KCNA6: variants seen among roughly 807,000 people sequenced by gnomAD.
KCNA6 encodes human brain potassium channel-2.
A neutral mutation model predicts 29.5 loss-of-function variants in KCNA6; 17 were observed. The ratio of observed to expected loss-of-function variants is 0.58; its 90% CI spans 0.39 to 0.86. The LOEUF is 0.86. Ranked by LOEUF, KCNA6 falls within the 40% of genes least tolerant of loss-of-function variation. The pLI, the probability that KCNA6 is intolerant of heterozygous loss-of-function variation, is 0.00. For missense variants in KCNA6, 450 were observed against 703.4 expected (o/e 0.64, Z 4.07); for synonymous variants, 296 against 304.7 (o/e 0.97, Z 0.30).
the KCNA6 span, among the ~76,000 whole-genome samples, chr12:4,831,153 C>T: frequency 2.6e-5 from 4 of 152,190 alleles, no homozygotes; most frequent in African/African-American, 9.7e-5. Context: ...AGAGGATTTG[C>T]AAGGACTGCG....
At chr12:4,815,587 G>T (rs971901357), downstream of KCNA6, among the ~76,000 whole-genome samples, 1 of 152,216 alleles carries the variant, frequency 6.6e-6, no homozygotes, top group Non-Finnish European at 1.5e-5. Flanking sequence ...AATAAACAGA[G>T]AAAAGAGGGC....
chr12:4,821,196 T>C, the KCNA6 span, among the ~76,000 whole-genome samples: 1 of 152,164 alleles, frequency 6.6e-6, no homozygotes, highest in Non-Finnish European at 1.5e-5. Context: ...GGCCTGGTGG[T>C]TGAGCCATAA....
At chr12:4,839,992 T>C in the KCNA6 span, among the ~76,000 whole-genome samples, 1 of 152,190 alleles carries the variant, frequency 6.6e-6, no homozygotes, top group East Asian at 1.9e-4. Flanking sequence ...TTTTAATGAC[T>C]GTGTACTTTT....
the KCNA6 span, among the ~76,000 whole-genome samples, chr12:4,834,303 C>G: frequency 6.6e-6 from 1 of 152,060 alleles, no homozygotes; most frequent in East Asian, 1.9e-4. Flanking sequence ...AGCACAAAGG[C>G]AGTAGTGAGG....
Position 4,810,331 on chromosome 12 carries a change from T to C in KCNA6, c.290T>C (p.Leu97Pro). The C allele has an allele frequency of 6.2e-7, 1 of 1,614,142 alleles. No individual in the cohort carries two copies. Among genetic ancestry groups the C allele is most frequent in the Non-Finnish European group, 8.5e-7 (1 of 1,180,022 alleles). ...AACCGGCCCAGCTTCGACGCCATCCTCTACTACTACCAGTCTGGGGGCCGC... is the reference window on the plus strand; with the variant it reads ...AACCGGCCCAGCTTCGACGCCATCCCCTACTACTACCAGTCTGGGGGCCGC... Residue 97 changes from leucine (L) to proline (P), a missense_variant, in exon 1 of 1, where the codon CTC becomes CCC. Physicochemically the swap from Leu to Pro is moderately conservative, Grantham distance 98. Transcript: ENST00000280684. The surrounding 1 kb of genome is among the most constrained non-coding windows in gnomAD (Gnocchi z 7.5).
chr12:4,818,451 A>G, the KCNA6 span, among the ~76,000 whole-genome samples: 1 of 152,218 alleles, frequency 6.6e-6, no homozygotes, highest in African/African-American at 2.4e-5. Context: ...GAGGATAATA[A>G]TAGTACCAAT....
the KCNA6 span, among the ~76,000 whole-genome samples, chr12:4,819,695 A>G: frequency 2.0e-5 from 3 of 152,226 alleles, no homozygotes; most frequent in Admixed American, 6.5e-5. Flanking sequence ...CGGCTTCTTA[A>G]CAAAGGTCCT....
the KCNA6 span, among the ~76,000 whole-genome samples, chr12:4,840,834 G>A: frequency 0.027 from 4,100 of 152,284 alleles, 72 homozygotes; most frequent in Middle Eastern, 0.041. Context: ...GGAGGCAGAG[G>A]ATAGGGTGTT....
rs781694280 is a variant in KCNA6 at position 4,810,728 on chromosome 12, C to T, written c.687C>T (p.Asp229=). 5.3e-5 allele frequency: 86 copies of T among 1,612,374 alleles called. 1 individual carries two copies. Among genetic ancestry groups the T allele is most frequent in the Non-Finnish European group, 7.0e-5 (82 of 1,179,174 alleles). The change falls in exon 1 of 1, where the codon GAC becomes GAT. Residue 229 remains aspartate (D), a synonymous_variant. Coordinates refer to ENST00000280684, the Ensembl canonical transcript of KCNA6. This position sits in a 1 kb window ranked among gnomAD's most constrained non-coding sequence, Gnocchi z 7.5. ...GTCAGGAGGAAGAGGAGGATGAAGA[C>T]GATTCCTACACATTTCATCATGGCA...
chr12:4,823,442 T>C, the KCNA6 span, among the ~76,000 whole-genome samples: 1 of 151,002 alleles, frequency 6.6e-6, no homozygotes, highest in African/African-American at 2.4e-5. Context: ...TTTTAGGAAC[T>C]AGGAGATATT....
the KCNA6 span, among the ~76,000 whole-genome samples, chr12:4,820,342 C>T: frequency 4.0e-5 from 6 of 151,808 alleles, no homozygotes; most frequent in Non-Finnish European, 7.4e-5. Flanking sequence ...ACCCTTCCCT[C>T]AGGCCCTGGA....
chr12:4,829,195 T>C, the KCNA6 span, among the ~76,000 whole-genome samples: 2 of 152,116 alleles, frequency 1.3e-5, no homozygotes, highest in African/African-American at 4.8e-5. Flanking sequence ...GGCTGGGAAA[T>C]GTGTCATTTT....
chr12:4,837,802 C>T, the KCNA6 span, among the ~76,000 whole-genome samples: 1 of 151,858 alleles, frequency 6.6e-6, no homozygotes, highest in African/African-American at 2.4e-5. Context: ...TCTCCACACA[C>T]TCCTCGTTGC....
At chr12:4,833,561 T>A in the KCNA6 span, among the ~76,000 whole-genome samples, 1 of 152,206 alleles carries the variant, frequency 6.6e-6, no homozygotes. Flanking sequence ...CAAGGGCAGG[T>A]GGAGCATTGG....
At chr12:4,831,042 G>T in the KCNA6 span, among the ~76,000 whole-genome samples, 1 of 152,226 alleles carries the variant, frequency 6.6e-6, no homozygotes, top group Non-Finnish European at 1.5e-5. Context: ...TGATCTTTCA[G>T]CGCTGACTTT....
Position 4,810,125 on chromosome 12 carries a change from C to A in KCNA6, c.84C>A (p.Phe28Leu). 1 of 1,595,270 alleles carries A rather than the reference C, an allele frequency of 6.3e-7. No homozygotes were observed. Residue 28 changes from phenylalanine (F) to leucine (L), a missense_variant, in exon 1 of 1, where the codon TTC (phenylalanine) becomes TTA (leucine). Physicochemically the swap from Phe to Leu is conservative, Grantham distance 22. Transcript: ENST00000280684. The surrounding 1 kb of genome is among the most constrained non-coding windows in gnomAD (Gnocchi z 7.5). ...GAGAGCAACAGGATGCGGGAGACTTCCCGGAGGCCGGCGGGGGCGGGGGCT... is the reference window on the plus strand; with the variant it reads ...GAGAGCAACAGGATGCGGGAGACTTACCGGAGGCCGGCGGGGGCGGGGGCT...
the KCNA6 span, among the ~76,000 whole-genome samples, chr12:4,835,962 G>A: frequency 1.7e-4 from 24 of 141,218 alleles, no homozygotes; most frequent in Admixed American, 9.4e-4. Context: ...TTTTTTTGAC[G>A]GAGTTTCGCT....
the KCNA6 span, among the ~76,000 whole-genome samples, chr12:4,827,227 T>TCCTTCCTTCCTTCCTTCCTTCCTTCCTC: frequency 8.1e-6 from 1 of 123,578 alleles, no homozygotes; most frequent in African/African-American, 3.0e-5. Context: ...CTTCCTTCCT[T>TCCTTCCTTCCTTCCTTCCTTCCTTCCTC]CCTCCTTCCT....
At chr12:4,809,741 C>T (rs2137569758) in exon 1 of KCNA6, 2 of 325,386 alleles carry the variant, frequency 6.1e-6, no homozygotes, top group Admixed American at 9.5e-5. Context: ...TTTCGGGCAG[C>T]CAATTTCACA....
Sources: gnomAD v4.1 joint callset for allele counts (sites outside exome capture counted in the v4.1 genomes callset) on GRCh38, gnomAD v4.1.1 for gene constraint, Gnocchi (gnomAD v3.1) non-coding constraint, MANE v1.5 for transcripts, NCBI Gene and HGNC (gene_info 2026-07-23, HGNC 2026-07-21) for gene names.